The following VWF variants were observed in gnomAD, a reference collection of about 807,000 sequenced individuals.
VWF encodes the protein Factor VIII related antigen.
A neutral mutation model predicts 308.6 loss-of-function variants in VWF; 176 were observed. That is an observed-to-expected ratio of 0.57 (90% CI 0.50 to 0.65). The LOEUF (loss-of-function observed/expected upper bound fraction) is 0.65. Among genes scored for constraint, VWF ranks in the 30% least tolerant of loss-of-function variants. The pLI, the probability that VWF is intolerant of heterozygous loss-of-function variation, is 0.00. For missense variants in VWF, 3,146 were observed against 3,648.2 expected (o/e 0.86, Z 3.55); for synonymous variants, 1,385 against 1,443.4 (o/e 0.96, Z 0.92).
chr12:6,117,472 T>G (rs2136530912), intron 3 of VWF, among the ~76,000 whole-genome samples: 2 of 152,360 alleles, frequency 1.3e-5, no homozygotes, highest in Admixed American at 1.3e-4. Context: ...CACCCCATGT[T>G]AAGCTGGCTG....
In VWF at chr12:6,075,489, C is replaced by T; in HGVS notation, c.720G>A (p.Leu240=). The T allele has an allele frequency of 6.2e-7, 1 of 1,614,204 alleles. No individual in the cohort carries two copies. Among genetic ancestry groups the T allele is most frequent in the Non-Finnish European group, 8.5e-7 (1 of 1,180,034 alleles). Residue 240 remains leucine (L), a synonymous_variant, in exon 7 of 52, where the codon CTG becomes CTA. Coordinates refer to ENST00000261405, the MANE Select transcript of VWF (RefSeq NM_000552.5). This position sits in a 1 kb window ranked among gnomAD's most constrained non-coding sequence, Gnocchi z 4.7. ...GGGCCACAAAAGGCTCGGGGTCCAC[C>T]AGAGGGTGGCAGCGGGCAAACACCG... is the stretch of plus-strand genomic sequence containing the variant. ...STSVFARCHP[L]VDPEPFVALC...
intron 22 of VWF, among the ~76,000 whole-genome samples, chr12:6,028,591 G>C (rs769319343): frequency 2.0e-5 from 3 of 152,098 alleles, no homozygotes; most frequent in South Asian, 2.1e-4. Context: ...CAGAAGAGAG[G>C]GGGGGACCAA....
intron 15 of VWF, among the ~76,000 whole-genome samples, chr12:6,053,340 G>C (rs1007850311): frequency 6.6e-5 from 10 of 152,210 alleles, no homozygotes; most frequent in African/African-American, 1.4e-4. Context: ...CTTAGGCTGA[G>C]TGACTTGTTA....
intron 21 of VWF, among the ~76,000 whole-genome samples, chr12:6,030,502 C>A (rs1302343818): frequency 6.6e-6 from 1 of 152,200 alleles, no homozygotes; most frequent in Non-Finnish European, 1.5e-5. Context: ...TGGGTCTCCA[C>A]AGCACTCCAC....
chr12:5,966,917 T>G (rs1395857964), intron 47 of VWF, among the ~76,000 whole-genome samples: 3 of 152,254 alleles, frequency 2.0e-5, no homozygotes, highest in Non-Finnish European at 4.4e-5. Context: ...ACCCACGGAA[T>G]GCCAGTTTCA....
At chr12:6,114,279 A>G (rs1945341388) in intron 3 of VWF, among the ~76,000 whole-genome samples, 1 of 152,104 alleles carries the variant, frequency 6.6e-6, no homozygotes, top group South Asian at 2.1e-4. Flanking sequence ...TGGGGTTGGC[A>G]TGGCCCTGTG....
rs771255305 is a variant in VWF at position 6,029,441 on chromosome 12, C to T, written c.2868G>A (p.Val956=). ...GCAGAATGATGTACCGGCCAGACTC[C>T]ACCACCTCAAAGTGAGTCTCATCCT... ...PMKDETHFEV[V]ESGRYIILLL... Residue 956 remains valine, a synonymous_variant, in exon 22 of 52, where the codon GTG becomes GTA. Transcript: ENST00000261405. 7.4e-6 allele frequency: 12 copies of T among 1,614,170 alleles called. No homozygotes were observed. Among genetic ancestry groups the T allele is most frequent in the Non-Finnish European group, 9.3e-6 (11 of 1,180,022 alleles).
intron 42 of VWF, among the ~76,000 whole-genome samples, chr12:5,979,050 T>C (rs1943562835): frequency 6.6e-6 from 1 of 152,216 alleles, no homozygotes; most frequent in Admixed American, 6.5e-5. Flanking sequence ...AAGTTTACAA[T>C]GAATCAACAC....
chr12:6,114,095 GT>G (rs1374853338), intron 3 of VWF, among the ~76,000 whole-genome samples: 1 of 152,180 alleles, frequency 6.6e-6, no homozygotes, highest in Non-Finnish European at 1.5e-5. Context: ...CAACCAATAT[GT>G]CACCTCCGAG....
intron 31 of VWF, among the ~76,000 whole-genome samples, chr12:6,014,760 C>T (rs781727708): frequency 8.5e-5 from 13 of 152,178 alleles, no homozygotes; most frequent in Admixed American, 2.0e-4. Flanking sequence ...ACCCATGACA[C>T]TGAACTAGAC....
In VWF at chr12:6,019,500, C is replaced by T; in HGVS notation, c.3918G>A (p.Arg1306=). 6.2e-7 allele frequency: 1 copy of T among 1,613,990 alleles called. No individual in the cohort carries two copies. Among genetic ancestry groups the T allele is most frequent in the Admixed American group, 1.7e-5 (1 of 60,020 alleles). ...LKAFVVDMME[R]LRISQKWVRV... ...GGACCCACTTCTGGGAGATGCGCAG[C>T]CGCTCCATCATGTCCACCACAAAGG... is the stretch of plus-strand genomic sequence containing the variant. Residue 1306 remains arginine (R), a synonymous_variant, in exon 28 of 52, where the codon CGG becomes CGA. Coordinates refer to ENST00000261405, the MANE Select transcript of VWF (RefSeq NM_000552.5). This position sits in a 1 kb window ranked among gnomAD's most constrained non-coding sequence, Gnocchi z 5.8.
At chr12:6,014,714 C>T (rs571564881) in intron 31 of VWF, among the ~76,000 whole-genome samples, 3 of 152,166 alleles carry the variant, frequency 2.0e-5, no homozygotes, top group South Asian at 4.1e-4. Context: ...GCTGGAGATA[C>T]GAATTTCAAA....
chr12:5,994,471 T>C lies in VWF; in HGVS notation c.6200A>G (p.Glu2067Gly). The change falls in exon 36 of 52, where the codon GAG becomes GGG. Residue 2067 changes from glutamate to glycine, a missense_variant. This residue lies in a region of VWF where 989 missense variants were observed against 1,117.4 expected (regional missense o/e 0.89). Coordinates refer to ENST00000261405, the MANE Select transcript of VWF (RefSeq NM_000552.5). ...CTTGGGGCTGAGCTGCAGTTGGAAC[T>C]CATTGTTTTGTGGAGTGAATGTGAA... ...HIFTFTPQNN[E>G]FQLQLSPKTF... The C allele has an allele frequency of 6.2e-7, 1 of 1,614,186 alleles. No homozygotes were observed. Among genetic ancestry groups the C allele is most frequent in the Non-Finnish European group, 8.5e-7 (1 of 1,180,026 alleles).
At chr12:6,116,262 C>T (rs1357431140) in intron 3 of VWF, among the ~76,000 whole-genome samples, 1 of 152,184 alleles carries the variant, frequency 6.6e-6, no homozygotes, top group Non-Finnish European at 1.5e-5. Context: ...TCCCACCAGG[C>T]CTGCTGAACG....
chr12:6,049,103 G>A (rs1218309832), intron 16 of VWF, among the ~76,000 whole-genome samples: 2 of 152,120 alleles, frequency 1.3e-5, no homozygotes, highest in Non-Finnish European at 2.9e-5. Flanking sequence ...GAACCTCCAG[G>A]CCACAGCATT....
intron 34 of VWF, among the ~76,000 whole-genome samples, chr12:6,010,954 A>G (rs1279129161): frequency 6.6e-6 from 1 of 152,232 alleles, no homozygotes; most frequent in Non-Finnish European, 1.5e-5. Context: ...GTTTTCACCT[A>G]GACCAAGAGG....
At position 6,046,774 on chromosome 12, in the gene VWF, G is replaced by A; in HGVS notation, c.2230C>T (p.Pro744Ser). 1 of 1,614,086 alleles carries A rather than the reference G, an allele frequency of 6.2e-7. No homozygotes were observed. The highest frequency in any genetic ancestry group is 1.3e-5 in the African/African-American group (1 of 75,048). ...ACAGCGTCAGGCAGCAAGCTTCCGG[G>A]GACTCCACTCATGGTACAGTGCATG... ...GFMHCTMSGVPGSLLPDAVLS... is the reference protein window; with the variant it reads ...GFMHCTMSGVSGSLLPDAVLS... Residue 744 changes from proline to serine, a missense_variant, in exon 17 of 52, where the codon CCC becomes TCC. Physicochemically the swap from Pro to Ser is moderately conservative, Grantham distance 74 (BLOSUM62 -1). This residue lies in a region of VWF where 1,304 missense variants were observed against 1,353.0 expected (regional missense o/e 0.96). Coordinates refer to ENST00000261405, the MANE Select transcript of VWF (RefSeq NM_000552.5). The surrounding 1 kb of genome is among the most constrained non-coding windows in gnomAD (Gnocchi z 5.0).
chr12:6,071,943 A>T (rs1944786865), intron 9 of VWF, among the ~76,000 whole-genome samples: 1 of 152,174 alleles, frequency 6.6e-6, no homozygotes, highest in Non-Finnish European at 1.5e-5. Context: ...TCCACTGGCC[A>T]CTGCAACTTC....
intron 6 of VWF, among the ~76,000 whole-genome samples, chr12:6,093,610 T>A (rs1945074213): frequency 1.3e-5 from 2 of 152,208 alleles, no homozygotes; most frequent in South Asian, 4.1e-4. Context: ...ATGATGAGTC[T>A]CTGAGCACAA....
Sources: gnomAD v4.1 joint callset for allele counts (sites outside exome capture counted in the v4.1 genomes callset) on GRCh38, gnomAD v4.1.1 for gene constraint, gnomAD v4.1.1 regional missense constraint, Gnocchi (gnomAD v3.1) non-coding constraint, MANE v1.5 for transcripts, NCBI Gene and HGNC (gene_info 2026-07-23, HGNC 2026-07-21) for gene names.